ACRBP: variants seen among roughly 807,000 people sequenced by gnomAD.
The protein encoded by ACRBP is acrosin binding protein.
Under a neutral mutation model 69.0 loss-of-function variants are expected in ACRBP, and 52 were observed. The observed-to-expected ratio is 0.75, with a 90% CI of 0.60 to 0.95. ACRBP has a LOEUF of 0.95. ACRBP is among the 40% of genes least tolerant of loss of function. ACRBP has a pLI of 0.00. For missense variants in ACRBP, 604 were observed against 673.0 expected (o/e 0.90, Z 1.13); for synonymous variants, 267 against 258.9 (o/e 1.03, Z -0.30).
At chr12:6,646,050 C>A (rs1292784871) in intron 3 of ACRBP, among the ~76,000 whole-genome samples, 2 of 151,578 alleles carry the variant, frequency 1.3e-5, no homozygotes, top group Non-Finnish European at 2.9e-5. Context: ...ACCTTTGCCT[C>A]CCGGGTTCAA....
chr12:6,638,221 T>A lies in ACRBP; in HGVS notation c.*61A>T. 1 of 1,593,290 alleles carries A rather than the reference T, an allele frequency of 6.3e-7. No homozygotes were observed. Among genetic ancestry groups the A allele is most frequent in the Non-Finnish European group, 8.6e-7 (1 of 1,166,560 alleles). On this transcript the variant is annotated 3_prime_UTR_variant, in exon 10 of 10. Transcript: ENST00000229243. ...AAGGGGCAGCCTGAAAGCAATGGGGTCTCAAAACAATAGAGAACGTGGGCA... is the reference window on the plus strand; with the variant it reads ...AAGGGGCAGCCTGAAAGCAATGGGGACTCAAAACAATAGAGAACGTGGGCA...
At chr12:6,644,718 C>CACACAGAAAA in intron 4 of ACRBP, 113 bp from the exon 5 acceptor site, 2 of 1,445,544 alleles carry the variant, frequency 1.4e-6, no homozygotes, top group Non-Finnish European at 1.8e-6. Context: ...CACACTTATA[C>CACACAGAAAA]ACACAGAAAA....
At position 6,644,510 on chromosome 12, in the gene ACRBP, G is replaced by T. The variant is rs1184313946; in HGVS notation, c.571C>A (p.Gln191Lys). The change falls in exon 5 of 10, where the codon CAA (glutamine) becomes AAA (lysine). Residue 191 changes from glutamine to lysine, a missense_variant. Gln to Lys is a moderately conservative substitution (Grantham distance 53). This residue lies in a region of ACRBP where 532 missense variants were observed against 562.9 expected (regional missense o/e 0.95). Coordinates refer to ENST00000229243, the MANE Select transcript of ACRBP (RefSeq NM_032489.3). Reference protein sequence around the residue: ...QSSLSLGGQEQAPEHKQEQGV... With the variant: ...QSSLSLGGQEKAPEHKQEQGV... The stretch of plus-strand genomic sequence containing the variant: ...TGCTCCTGCTTGTGCTCTGGCGCTT[G>T]CTCCTGGCCTCCCAGGGACAAGGAG... 1.9e-6 allele frequency: 3 copies of T among 1,614,010 alleles called. No individual in the cohort carries two copies.
rs1326250451 is a variant in ACRBP, at chr12:6,638,271, T to C, written c.*11A>G. On this transcript the variant is annotated 3_prime_UTR_variant, in exon 10 of 10. Transcript: ENST00000229243. ...AGGTTGGGCTGGGGTGTGGGCAGAATAGACGCCAGCTCATCCGAACTGGCC... is the reference window on the plus strand; with the variant it reads ...AGGTTGGGCTGGGGTGTGGGCAGAACAGACGCCAGCTCATCCGAACTGGCC... The C allele has an allele frequency of 2.5e-6, 4 of 1,613,602 alleles. No homozygotes were observed. Among genetic ancestry groups the C allele is most frequent in the Non-Finnish European group, 3.4e-6 (4 of 1,179,780 alleles).
In ACRBP at chr12:6,643,645, G is replaced by T. The variant is rs758763792; in HGVS notation, c.971C>A (p.Ala324Asp). ...GSLLQLPHTE[A>D]LLVLCYSIVE... is the part of the protein sequence containing the mutation. ...GATCGAATAGCACAGCACCAGCAAGGCCTCTGTGTGGGGCAGCTGCAGGAG... is the reference window on the plus strand; with the variant it reads ...GATCGAATAGCACAGCACCAGCAAGTCCTCTGTGTGGGGCAGCTGCAGGAG... Residue 324 changes from alanine (A) to aspartate (D), a missense_variant, in exon 6 of 10, where the codon GCC becomes GAC. Coordinates refer to ENST00000229243, the MANE Select transcript of ACRBP (RefSeq NM_032489.3). 1.9e-6 allele frequency: 3 copies of T among 1,614,072 alleles called. No homozygotes were observed. Among genetic ancestry groups the T allele is most frequent in the African/African-American group, 1.3e-5 (1 of 74,932 alleles).
At chr12:6,646,649 A>C in intron 2 of ACRBP, 72 bp from the exon 3 acceptor site, 1 of 1,521,620 alleles carries the variant, frequency 6.6e-7, no homozygotes, top group East Asian at 2.3e-5. Context: ...AATGGACTCC[A>C]CGCCATGGGG....
At chr12:6,639,068 G>GT in intron 8 of ACRBP, 31 bp from the exon 9 acceptor site, 3 of 1,591,198 alleles carry the variant, frequency 1.9e-6, no homozygotes, top group Non-Finnish European at 2.6e-6. Context: ...AGGGAAGAGG[G>GT]TATCAGAAGC....
At chr12:6,645,377 G>C (rs751186544) in intron 3 of ACRBP, 40 bp from the exon 4 acceptor site, 1 of 1,488,054 alleles carries the variant, frequency 6.7e-7, no homozygotes. Flanking sequence ...CTTTCCTAAA[G>C]GGCAGACTTC....
At position 6,640,028 on chromosome 12, in the gene ACRBP, G is replaced by A. The variant is rs747154712; in HGVS notation, c.1425+32C>T. ...CTGGAAGGAATGGGGTGAGGGTAGGGATGGGGCTGAGCTTTGGGGAAAGGT... is the reference window on the plus strand; with the variant it reads ...CTGGAAGGAATGGGGTGAGGGTAGGAATGGGGCTGAGCTTTGGGGAAAGGT... On this transcript the variant is annotated intron_variant, in intron 8 of 9. Transcript: ENST00000229243. This position sits in a 1 kb window ranked among gnomAD's most constrained non-coding sequence, Gnocchi z 5.3. 1 of 1,612,324 alleles carries A rather than the reference G, an allele frequency of 6.2e-7. No homozygotes were observed. The highest frequency in any genetic ancestry group is 8.5e-7 in the Non-Finnish European group (1 of 1,178,900).
At chr12:6,638,788 G>A in intron 9 of ACRBP, 166 bp downstream of exon 9, 1 of 1,467,840 alleles carries the variant, frequency 6.8e-7, no homozygotes, top group Non-Finnish European at 9.0e-7. Context: ...CGCCAGGACT[G>A]GAGGAATGGA....
At position 6,644,120 on chromosome 12, in the gene ACRBP, G is replaced by A; in HGVS notation, c.944+17C>T. ...AAGGGAGGGCAGGGTGGATGACAGA[G>A]TCAAAACTTCCTATACCTGCCAGGG... On this transcript the variant is annotated intron_variant, in intron 5 of 9. Transcript: ENST00000229243. The A allele has an allele frequency of 1.9e-6, 3 of 1,551,178 alleles. No individual in the cohort carries two copies. The highest frequency in any genetic ancestry group is 2.6e-6 in the Non-Finnish European group (3 of 1,148,764).
intron 4 of ACRBP, 32 bp from the exon 5 acceptor site, chr12:6,644,637 A>T: frequency 6.4e-7 from 1 of 1,572,340 alleles, no homozygotes; most frequent in African/African-American, 1.4e-5. Context: ...AGGGAGAGAG[A>T]CAGTCAGGCT....
chr12:6,639,909 C>G (rs2136248751), intron 8 of ACRBP, 151 bp downstream of exon 8: 1 of 953,900 alleles, frequency 1.0e-6, no homozygotes, highest in Non-Finnish European at 1.5e-6. Flanking sequence ...GCAATGGTCT[C>G]TTGGAGAGAG....
chr12:6,638,554 T>C, intron 9 of ACRBP, 150 bp from the exon 10 acceptor site: 1 of 1,283,200 alleles, frequency 7.8e-7, no homozygotes, highest in Non-Finnish European at 1.1e-6. Flanking sequence ...AAATGTGGGT[T>C]TTTAAAGCCA....
Position 6,640,063 on chromosome 12 carries a change from G to C in ACRBP, c.1422C>G (p.Thr474=). The C allele has an allele frequency of 1.2e-6, 2 of 1,614,134 alleles. No homozygotes were observed. Among genetic ancestry groups the C allele is most frequent in the Non-Finnish European group, 1.7e-6 (2 of 1,180,002 alleles). ...FLSFQDGDFP[T]KICDTDYIQY... ...AGCTTTGGGGAAAGGTTCTAACCTT[G>C]GTAGGGAAATCCCCATCCTGGAAGC... The change falls in exon 8 of 10, where the codon ACC becomes ACG. Residue 474 remains threonine, a synonymous_variant. Transcript: ENST00000229243. This position sits in a 1 kb window ranked among gnomAD's most constrained non-coding sequence, Gnocchi z 5.3.
intron 3 of ACRBP, 91 bp from the exon 4 acceptor site, chr12:6,645,428 A>C: frequency 1.0e-6 from 1 of 995,172 alleles, no homozygotes; most frequent in South Asian, 1.3e-5. Context: ...AGCATGTCTT[A>C]TCTCTCAGTT....
intron 8 of ACRBP, among the ~76,000 whole-genome samples, chr12:6,639,706 G>A (rs1000674503): frequency 6.6e-6 from 1 of 152,238 alleles, no homozygotes; most frequent in African/African-American, 2.4e-5. Flanking sequence ...GGATCACAGG[G>A]TTGGGCAGTG....
rs141591366 is a variant in ACRBP, at chr12:6,644,264, G to A, written c.817C>T (p.Arg273Ter). 12 of 1,613,948 alleles carry A rather than the reference G, an allele frequency of 7.4e-6. No individual in the cohort carries two copies. Among genetic ancestry groups the A allele is most frequent in the Non-Finnish European group, 1.0e-5 (12 of 1,180,026 alleles). ...ATCATAGGAGTAGACTCTACTTCTCGTACCCGGGGAGCAAAAGAGGAAGGG... is the reference window on the plus strand; with the variant it reads ...ATCATAGGAGTAGACTCTACTTCTCATACCCGGGGAGCAAAAGAGGAAGGG... ...SNPSSFAPRV[R>*]EVESTPMIME... Residue 273 changes from arginine (R) to a stop codon, truncating the protein, a stop_gained, in exon 5 of 10, where the codon CGA (arginine) becomes TGA (stop). Transcript: ENST00000229243. LOFTEE classifies it high-confidence loss of function.
In ACRBP at chr12:6,640,450, G is replaced by C. The variant is rs767089367; in HGVS notation, c.1150C>G (p.Gln384Glu). 1 of 1,614,142 alleles carries C rather than the reference G, an allele frequency of 6.2e-7. No individual in the cohort carries two copies. The highest frequency in any genetic ancestry group is 1.3e-5 in the African/African-American group (1 of 75,044). Residue 384 changes from glutamine (Q) to glutamate (E), a missense_variant, in exon 7 of 10, where the codon CAG becomes GAG. Physicochemically the swap from Gln to Glu is conservative, Grantham distance 29 (BLOSUM62 2). Transcript: ENST00000229243. This position sits in a 1 kb window ranked among gnomAD's most constrained non-coding sequence, Gnocchi z 5.3. ...LCDFCSLKLE[Q>E]CHSEASLQRQ... ...TGCAGGCTGGCCTCTGAGTGGCACT[G>C]CTCCAGCTTCAAGGAGCAGAAGTCA...
Sources: allele counts gnomAD v4.1 joint callset (sites outside exome capture counted in the v4.1 genomes callset), GRCh38; gene constraint gnomAD v4.1.1; regional missense constraint gnomAD v4.1.1; non-coding constraint Gnocchi (gnomAD v3.1); transcripts MANE v1.5; gene names NCBI Gene and HGNC (gene_info 2026-07-23, HGNC 2026-07-21).